Variants in SUMF1 observed in about 807,000 individuals in gnomAD.
SUMF1 encodes formylglycine-generating enzyme.
SUMF1 carries 48 observed loss-of-function variants against 47.6 expected under a neutral mutation model. The ratio of observed to expected loss-of-function variants is 1.01; its 90% confidence interval spans 0.80 to 1.28. The LOEUF (loss-of-function observed/expected upper bound fraction) is 1.28, where lower values mean the gene tolerates loss of function less well. Ranked by LOEUF, SUMF1 falls within the 50% of genes most tolerant of loss-of-function variation. The pLI is 0.00. For missense variants in SUMF1, 571 were observed against 485.4 expected (o/e 1.18, Z -1.66); for synonymous variants, 230 against 192.1 (o/e 1.20, Z -1.63).
chr3:4,225,115 A>G (rs1177411910), intron 8 of SUMF1, among the ~76,000 whole-genome samples: 1 of 152,004 alleles, frequency 6.6e-6, no homozygotes, highest in Admixed American at 6.6e-5. Flanking sequence ...AGGAGAAAAA[A>G]GGAAAGGCCC....
At chr3:4,329,247 C>A (rs1699002960) in intron 8 of SUMF1, among the ~76,000 whole-genome samples, 2 of 152,216 alleles carry the variant, frequency 1.3e-5, no homozygotes, top group Admixed American at 1.3e-4. Context: ...CTAGGCAGTG[C>A]CCCAGTGGGG....
chr3:4,178,507 C>T (rs1220207350), intron 8 of SUMF1, among the ~76,000 whole-genome samples: 1 of 152,142 alleles, frequency 6.6e-6, no homozygotes, highest in Admixed American at 6.5e-5. Context: ...ATGCTAAAAA[C>T]TCTCAATTAA....
chr3:4,249,547 A>G (rs911021867), intron 8 of SUMF1, among the ~76,000 whole-genome samples: 1 of 152,148 alleles, frequency 6.6e-6, no homozygotes, highest in African/African-American at 2.4e-5. Context: ...TAAGATGGCA[A>G]ACTTAATAAA....
chr3:4,232,282 G>C (rs1304004497), intron 8 of SUMF1, among the ~76,000 whole-genome samples: 2 of 152,110 alleles, frequency 1.3e-5, no homozygotes, highest in African/African-American at 2.4e-5. Context: ...AAGACAGCAA[G>C]CACGTTGTTG....
intron 8 of SUMF1, among the ~76,000 whole-genome samples, chr3:4,091,213 T>C (rs955074587): frequency 1.3e-5 from 2 of 152,182 alleles, no homozygotes; most frequent in Non-Finnish European, 2.9e-5. Context: ...AGTTTCATTA[T>C]ACATTGTTTC....
intron 8 of SUMF1, chr3:4,316,164 A>T (rs1261452247): frequency 1.6e-6 from 1 of 623,936 alleles, no homozygotes; most frequent in Admixed American, 2.3e-5. Context: ...GCATTTCTTT[A>T]TGTTTTTTTG....
At chr3:4,170,647 A>C (rs536426627) in intron 8 of SUMF1, among the ~76,000 whole-genome samples, 1 of 152,344 alleles carries the variant, frequency 6.6e-6, no homozygotes, top group South Asian at 2.1e-4. Flanking sequence ...TAGATCGATG[A>C]AACAGAGTAG....
chr3:4,456,339 T>C (rs986855690), intron 1 of SUMF1, among the ~76,000 whole-genome samples: 3 of 151,878 alleles, frequency 2.0e-5, no homozygotes, highest in Admixed American at 6.6e-5. Context: ...TTCTATTCCA[T>C]GTAATACCGG....
chr3:4,090,847 G>C (rs115296611), intron 8 of SUMF1, among the ~76,000 whole-genome samples: 1,788 of 152,036 alleles, frequency 0.012, 53 homozygotes, highest in African/African-American at 0.042. Flanking sequence ...ATGCTTAATA[G>C]TAGAAGTATG....
intron 8 of SUMF1, among the ~76,000 whole-genome samples, chr3:4,185,071 T>G (rs1695173105): frequency 6.6e-6 from 1 of 152,226 alleles, no homozygotes; most frequent in Non-Finnish European, 1.5e-5. Flanking sequence ...ATGAGATGAT[T>G]AGACCTATGA....
At chr3:4,279,943 A>T (rs1474580260) in intron 8 of SUMF1, among the ~76,000 whole-genome samples, 1 of 152,190 alleles carries the variant, frequency 6.6e-6, no homozygotes, top group Non-Finnish European at 1.5e-5. Context: ...AGTCAAGCTA[A>T]CTTTAAAGAA....
At chr3:4,155,618 T>C (rs1694435361) in intron 8 of SUMF1, among the ~76,000 whole-genome samples, 2 of 151,496 alleles carry the variant, frequency 1.3e-5, no homozygotes, top group East Asian at 3.9e-4. Context: ...AGTTCTATGA[T>C]GTGATTTGGG....
chr3:4,064,718 G>C (rs1276558455), intron 9 of SUMF1, among the ~76,000 whole-genome samples: 1 of 152,182 alleles, frequency 6.6e-6, no homozygotes, highest in African/African-American at 2.4e-5. Flanking sequence ...AGAGGTTACA[G>C]TGGGGAACTC....
At chr3:4,198,053 AGAGAT>A (rs1387947349) in intron 8 of SUMF1, among the ~76,000 whole-genome samples, 1 of 69,460 alleles carries the variant, frequency 1.4e-5, no homozygotes, top group Non-Finnish European at 3.3e-5. Context: ...TTTCGGAAAG[AGAGAT>A]TCTTATTGGT....
At chr3:4,128,782 T>G (rs1574908149) in intron 8 of SUMF1, among the ~76,000 whole-genome samples, 1 of 151,976 alleles carries the variant, frequency 6.6e-6, no homozygotes, top group Non-Finnish European at 1.5e-5. Flanking sequence ...ATAGTAAGGG[T>G]GTGGGATAAT....
At chr3:4,411,584 G>A (rs1195359252) in intron 6 of SUMF1, among the ~76,000 whole-genome samples, 1 of 151,904 alleles carries the variant, frequency 6.6e-6, no homozygotes, top group Non-Finnish European at 1.5e-5. Flanking sequence ...GAGGCAAACA[G>A]TATGCATTCT....
At chr3:4,440,757 A>C (rs996452861) in intron 3 of SUMF1, among the ~76,000 whole-genome samples, 2 of 152,246 alleles carry the variant, frequency 1.3e-5, no homozygotes, top group Non-Finnish European at 2.9e-5. Context: ...TCATTTGTCA[A>C]GGATACTTAG....
intron 9 of SUMF1, among the ~76,000 whole-genome samples, chr3:4,039,056 C>T (rs1376101254): frequency 6.6e-6 from 1 of 151,878 alleles, no homozygotes; most frequent in Non-Finnish European, 1.5e-5. Flanking sequence ...CAATGGCAAA[C>T]ATTAAAGCAC....
chr3:4,368,935 G>A (rs10494172), intron 8 of SUMF1, among the ~76,000 whole-genome samples: 1 of 152,120 alleles, frequency 6.6e-6, no homozygotes, highest in Non-Finnish European at 1.5e-5. Flanking sequence ...TACAGCTCAA[G>A]TCCCTGCAAA....
Sources: allele counts gnomAD v4.1 joint callset (sites outside exome capture counted in the v4.1 genomes callset), GRCh38; gene constraint gnomAD v4.1.1; transcripts MANE v1.5; gene names NCBI Gene and HGNC (gene_info 2026-07-23, HGNC 2026-07-21).